Variants in MAL2 observed in about 807,000 individuals in gnomAD.
MAL2 encodes the protein mal, T cell differentiation protein 2.
MAL2 carries 17 observed loss-of-function variants against 18.1 expected under a neutral mutation model. The ratio of observed to expected loss-of-function variants is 0.94; its 90% CI spans 0.64 to 1.41. The LOEUF is 1.41. Ranked by LOEUF, MAL2 falls within the 40% of genes most tolerant of loss-of-function variation. The probability of loss-of-function intolerance (pLI) is 0.00; values close to 1 mark genes in which losing one functional copy is unlikely to be tolerated. For missense variants in MAL2, 222 were observed against 231.9 expected (o/e 0.96, Z 0.28); for synonymous variants, 102 against 102.3 (o/e 1.00, Z 0.02).
In MAL2 at chr8:119,240,175, A is replaced by T. The variant is rs748012911; in HGVS notation, c.314A>T (p.Tyr105Phe). 3 of 1,613,160 alleles carry T rather than the reference A, an allele frequency of 1.9e-6. No individual in the cohort carries two copies. Among genetic ancestry groups the T allele is most frequent in the South Asian group, 1.1e-5 (1 of 90,894 alleles). Residue 105 changes from tyrosine to phenylalanine, a missense_variant, in exon 3 of 4, where the codon TAC (tyrosine) becomes TTC (phenylalanine). By Grantham distance (22) the Tyr-to-Phe change is conservative (BLOSUM62 3). Coordinates refer to ENST00000614891, the MANE Select transcript of MAL2 (RefSeq NM_052886.3). ...DANWNFLDFAYHFTVFVFYFG... is the reference protein window; with the variant it reads ...DANWNFLDFAFHFTVFVFYFG... ...TCTCTCCTCTTTTAGGATTTTGCCTACCATTTTACAGTATTTGTCTTCTAT... is the reference window on the plus strand; with the variant it reads ...TCTCTCCTCTTTTAGGATTTTGCCTTCCATTTTACAGTATTTGTCTTCTAT...
chr8:119,217,465 G>A (rs756486361), intron 1 of MAL2, among the ~76,000 whole-genome samples: 13 of 152,174 alleles, frequency 8.5e-5, no homozygotes, highest in Admixed American at 2.0e-4. Context: ...TGGAAGCAAA[G>A]GTAGTCTTTT....
Position 119,208,388 on chromosome 8 carries a change from G to A in MAL2, c.-85G>A, listed in dbSNP as rs1587114491. The A allele has an allele frequency of 1.1e-5, 7 of 640,998 alleles. No homozygotes were observed. Among genetic ancestry groups the A allele is most frequent in the Non-Finnish European group, 1.2e-5 (6 of 511,596 alleles). 39.7% of individuals were successfully genotyped at this position (640,998 alleles called of 1,614,324 possible). Reference sequence around the variant, plus strand: ...GCGCCCGGAGCCCGCGGAGCTGAGCGGCGGCGGCGGCGGCGGCAGGAGCCC... The same window carrying A: ...GCGCCCGGAGCCCGCGGAGCTGAGCAGCGGCGGCGGCGGCGGCAGGAGCCC... On this transcript the variant is annotated 5_prime_UTR_variant, in exon 1 of 4. Coordinates refer to ENST00000614891, the MANE Select transcript of MAL2 (RefSeq NM_052886.3). This position sits in a 1 kb window ranked among gnomAD's most constrained non-coding sequence, Gnocchi z 4.3.
At chr8:119,234,018 G>C (rs913706649) in intron 2 of MAL2, among the ~76,000 whole-genome samples, 2 of 152,094 alleles carry the variant, frequency 1.3e-5, no homozygotes, top group Non-Finnish European at 2.9e-5. Flanking sequence ...CGCAGAAGAC[G>C]GATGATTTCT....
Position 119,244,563 on chromosome 8 carries a change from G to T in MAL2, c.*1075G>T, listed in dbSNP as rs1331405655. On this transcript the variant is annotated 3_prime_UTR_variant, in exon 4 of 4. Coordinates refer to ENST00000614891, the MANE Select transcript of MAL2 (RefSeq NM_052886.3). ...ATGAATATACCCATATTTGTGTGTG[G>T]ATATGTGAAGCTTTTCCAAATAGAG... 1 of 151,678 alleles carries T rather than the reference G, an allele frequency of 6.6e-6. No homozygotes were observed. Among genetic ancestry groups the T allele is most frequent in the Non-Finnish European group, 1.5e-5 (1 of 67,976 alleles). 9.4% of individuals were successfully genotyped at this position (151,678 alleles called of 1,614,324 possible). A position where few individuals can be genotyped will look rare whatever the true frequency, so the allele number is the denominator to read the frequency against.
chr8:119,238,622 C>T (rs1388519319), intron 2 of MAL2, among the ~76,000 whole-genome samples: 4 of 148,918 alleles, frequency 2.7e-5, no homozygotes, highest in South Asian at 2.1e-4. Flanking sequence ...AATAACGCCA[C>T]ATATCTACAA....
intron 1 of MAL2, among the ~76,000 whole-genome samples, chr8:119,214,823 TA>T (rs1407196746): frequency 1.3e-5 from 2 of 152,232 alleles, no homozygotes; most frequent in Admixed American, 1.3e-4. Flanking sequence ...ATTTTGGTCA[TA>T]AGCCTCTTAT....
chr8:119,238,332 A>G (rs1045811671), intron 2 of MAL2, among the ~76,000 whole-genome samples: 5 of 152,150 alleles, frequency 3.3e-5, no homozygotes, highest in African/African-American at 7.2e-5. Context: ...AACCAATATC[A>G]TGAAAATGGC....
At chr8:119,236,454 C>T (rs1213072294) in intron 2 of MAL2, among the ~76,000 whole-genome samples, 17 of 151,338 alleles carry the variant, frequency 1.1e-4, no homozygotes, top group African/African-American at 3.9e-4. Context: ...CTAATAGACA[C>T]CTACAGAACT....
At chr8:119,236,592 C>A (rs1469777776) in intron 2 of MAL2, among the ~76,000 whole-genome samples, 1 of 151,818 alleles carries the variant, frequency 6.6e-6, no homozygotes, top group African/African-American at 2.4e-5. Context: ...ATAACAAACT[C>A]TCTCAGACCA....
intron 2 of MAL2, among the ~76,000 whole-genome samples, chr8:119,227,959 C>G (rs1328004311): frequency 1.3e-5 from 2 of 151,724 alleles, no homozygotes; most frequent in African/African-American, 4.8e-5. Flanking sequence ...AGTCAGGGCC[C>G]CTGGCAACCA....
Position 119,244,681 on chromosome 8 carries a change from ATG to A in MAL2, c.*1197_*1198del, listed in dbSNP as rs1189230954. The A allele has an allele frequency of 6.6e-6, 1 of 152,164 alleles. No individual in the cohort carries two copies. The highest frequency in any genetic ancestry group is 1.5e-5 in the Non-Finnish European group (1 of 68,028). The allele number at this position is 152,164 out of a possible 1,614,324, so 9.4% of individuals were successfully genotyped here. On this transcript the variant is annotated 3_prime_UTR_variant, in exon 4 of 4. Transcript: ENST00000614891. ...ATTAAATATAAAGTTGTAGATTCTT[ATG>A]TGTTTTTGTATTAGCCCAGACATCT...
intron 3 of MAL2, among the ~76,000 whole-genome samples, chr8:119,240,778 C>T (rs953998980): frequency 1.3e-5 from 2 of 152,124 alleles, no homozygotes; most frequent in African/African-American, 4.8e-5. Context: ...GAATAAGTTG[C>T]AGTTCCTGCC....
intron 3 of MAL2, among the ~76,000 whole-genome samples, chr8:119,243,118 A>G (rs747174009): frequency 2.0e-5 from 3 of 152,216 alleles, no homozygotes; most frequent in African/African-American, 2.4e-5. Context: ...GGGATTCACA[A>G]ATACTTAAGT....
At chr8:119,237,706 G>C (rs901395390) in intron 2 of MAL2, among the ~76,000 whole-genome samples, 12 of 151,716 alleles carry the variant, frequency 7.9e-5, no homozygotes, top group Admixed American at 3.9e-4. Flanking sequence ...TATCTCAATA[G>C]ATGCAGAAAA....
rs1010329689 is a variant in MAL2, at chr8:119,245,275, A to G, written c.*1787A>G. The G allele has an allele frequency of 1.3e-5, 2 of 152,598 alleles. No homozygotes were observed. The highest frequency in any genetic ancestry group is 2.4e-5 in the African/African-American group (1 of 41,450). 9.5% of individuals were successfully genotyped at this position (152,598 alleles called of 1,614,324 possible). The stretch of plus-strand genomic sequence containing the variant: ...CATATTACAAAGTCATAAATGTGCC[A>G]TATGGATATACAGTACATTCTAGTT... On this transcript the variant is annotated 3_prime_UTR_variant, in exon 4 of 4. Transcript: ENST00000614891.
At chr8:119,241,940 C>T (rs1818055896) in intron 3 of MAL2, among the ~76,000 whole-genome samples, 1 of 152,138 alleles carries the variant, frequency 6.6e-6, no homozygotes, top group Non-Finnish European at 1.5e-5. Flanking sequence ...TCTACCCACC[C>T]ATATCATCCC....
intron 1 of MAL2, 196 bp from the exon 2 acceptor site, chr8:119,221,388 CAGG>C (rs1444228585): frequency 5.1e-6 from 3 of 586,918 alleles, no homozygotes; most frequent in Non-Finnish European, 8.9e-6. Flanking sequence ...GTTCTCCAAG[CAGG>C]AGGATTGATC....
At chr8:119,243,372 T>C in intron 3 of MAL2, 45 bp from the exon 4 acceptor site, 1 of 1,466,954 alleles carries the variant, frequency 6.8e-7, no homozygotes, top group South Asian at 1.2e-5. Flanking sequence ...TGTTTATAAG[T>C]CGGTGTTGTA....
chr8:119,238,889 C>T (rs1817978855), intron 2 of MAL2, among the ~76,000 whole-genome samples: 2 of 151,732 alleles, frequency 1.3e-5, no homozygotes, highest in Non-Finnish European at 2.9e-5. Context: ...GTCTAAAACA[C>T]CAAAAGCAAT....
Sources: allele counts gnomAD v4.1 joint callset (sites outside exome capture counted in the v4.1 genomes callset), GRCh38; gene constraint gnomAD v4.1.1; non-coding constraint Gnocchi (gnomAD v3.1); transcripts MANE v1.5; gene names NCBI Gene and HGNC (gene_info 2026-07-23, HGNC 2026-07-21).